Variants in TMEM192 observed in about 807,000 individuals in gnomAD.
TMEM192 encodes the protein transmembrane protein 192.
Under a neutral mutation model 26.7 loss-of-function variants are expected in TMEM192, and 20 were observed. The ratio of observed to expected loss-of-function variants is 0.75; its 90% CI spans 0.53 to 1.09. TMEM192 has a LOEUF of 1.09. Among genes scored for constraint, TMEM192 ranks in the 50% least tolerant of loss-of-function variants. The pLI is 0.00. For missense variants in TMEM192, 304 were observed against 322.6 expected (o/e 0.94, Z 0.44); for synonymous variants, 124 against 121.0 (o/e 1.02, Z -0.16).
At chr4:165,093,277 A>T (rs1225433741) in intron 3 of TMEM192, among the ~76,000 whole-genome samples, 2 of 151,302 alleles carry the variant, frequency 1.3e-5, no homozygotes, top group Admixed American at 1.3e-4. Flanking sequence ...TTGTGTTTTT[A>T]GTAGAGACGG....
Position 165,105,616 on chromosome 4 carries a change from C to T in TMEM192, c.28-2520G>A, listed in dbSNP as rs182918437. ...ACAGAGAGCACTCAATAAGTATTAG[C>T]CACTATTATTTCTTTATTAACTCTT... is the stretch of plus-strand genomic sequence containing the variant. On this transcript the variant is annotated intron_variant, in intron 1 of 5. Transcript: ENST00000306480. 2.4e-4 allele frequency among the ~76,000 whole-genome samples: 37 copies of T among 152,170 alleles called. 1 individual carries two copies. Among genetic ancestry groups the T allele is most frequent in the Admixed American group, 2.4e-3 (37 of 15,262 alleles).
intron 3 of TMEM192, among the ~76,000 whole-genome samples, chr4:165,089,434 GC>G (rs1218823654): frequency 6.6e-6 from 1 of 152,028 alleles, no homozygotes; most frequent in Non-Finnish European, 1.5e-5. Context: ...CCATTCTCCT[GC>G]CTCAGCCTCC....
At chr4:165,089,221 C>T (rs998260341) in intron 3 of TMEM192, among the ~76,000 whole-genome samples, 2 of 152,028 alleles carry the variant, frequency 1.3e-5, no homozygotes, top group African/African-American at 4.8e-5. Context: ...AGGTTCTTCT[C>T]GGCCTCTCTG....
At chr4:165,104,641 CT>C (rs1735122154) in intron 1 of TMEM192, among the ~76,000 whole-genome samples, 1 of 152,138 alleles carries the variant, frequency 6.6e-6, no homozygotes, top group Admixed American at 6.6e-5. Flanking sequence ...ATCGATTCTC[CT>C]GTCTCAGCCT....
intron 1 of TMEM192, among the ~76,000 whole-genome samples, chr4:165,103,490 G>A (rs1425124747): frequency 7.5e-6 from 1 of 133,038 alleles, no homozygotes. Flanking sequence ...GACTACAGGT[G>A]TGCACCACCA....
rs1464582727 is a variant in TMEM192 at position 165,071,721 on chromosome 4, G to C, written c.*7937C>G. The C allele has an allele frequency of 6.6e-6, 1 of 152,132 alleles. No homozygotes were observed. Among genetic ancestry groups the C allele is most frequent in the Admixed American group, 6.6e-5 (1 of 15,248 alleles). 9.4% of individuals were successfully genotyped at this position (152,132 alleles called of 1,614,324 possible). On this transcript the variant is annotated 3_prime_UTR_variant, in exon 6 of 6. Coordinates refer to ENST00000306480, the MANE Select transcript of TMEM192 (RefSeq NM_001100389.2). ...GCAATCCAAAAGCCACAGTGTGACC[G>C]ACGCAGGGTACACAAAGGAAGAGTA...
intron 3 of TMEM192, among the ~76,000 whole-genome samples, chr4:165,093,088 T>C (rs1004227380): frequency 8.2e-6 from 1 of 121,638 alleles, no homozygotes. Context: ...TTTATGGTTT[T>C]TTTTTCTTCT....
In TMEM192 at chr4:165,097,217, G is replaced by A. The variant is rs540032776; in HGVS notation, c.439+3411C>T. Among the ~76,000 whole-genome samples, 17 of 152,188 alleles carry A rather than the reference G, an allele frequency of 1.1e-4. No homozygotes were observed. In the East Asian group the frequency reaches 2.9e-3, roughly 26 times the overall value. On this transcript the variant is annotated intron_variant, in intron 3 of 5. Coordinates refer to ENST00000306480, the MANE Select transcript of TMEM192 (RefSeq NM_001100389.2). ...CTTTAAGAAAATGCACTAACAGGCC[G>A]GGCGCGGTGGCTCATGCCTGTAATC...
chr4:165,095,055 C>T (rs966411535), intron 3 of TMEM192, among the ~76,000 whole-genome samples: 4 of 151,952 alleles, frequency 2.6e-5, no homozygotes, highest in East Asian at 3.9e-4. Flanking sequence ...GTGGGCTGGG[C>T]GGTCCTGTAA....
Position 165,112,860 on chromosome 4 carries a change from T to C in TMEM192, c.-87A>G. 5 of 1,531,380 alleles carry C rather than the reference T, an allele frequency of 3.3e-6. No homozygotes were observed. The highest frequency in any genetic ancestry group is 4.4e-6 in the Non-Finnish European group (5 of 1,140,996). The allele number at this position is 1,531,380 out of a possible 1,614,324, so 94.9% of individuals were successfully genotyped here. On this transcript the variant is annotated 5_prime_UTR_variant, in exon 1 of 6. Transcript: ENST00000306480. ...TCTGGCCGCGAAACTCGCCACCTTC[T>C]GGGACCTGCCAGGCCCCTCCCCAGA...
intron 5 of TMEM192, among the ~76,000 whole-genome samples, chr4:165,080,768 G>A (rs1333958641): frequency 6.6e-6 from 1 of 152,002 alleles, no homozygotes; most frequent in Non-Finnish European, 1.5e-5. Context: ...AGGCTGGAGT[G>A]CAGTGGCATG....
intron 1 of TMEM192, among the ~76,000 whole-genome samples, chr4:165,112,241 C>A (rs1437841950): frequency 1.3e-5 from 2 of 152,206 alleles, no homozygotes; most frequent in Non-Finnish European, 2.9e-5. Context: ...GACGCTGGCG[C>A]CCGGCCCGAG....
Position 165,085,664 on chromosome 4 carries a change from G to C in TMEM192, c.599C>G (p.Ala200Gly), listed in dbSNP as rs1464288457. ...TTCAAGTATATCAGGCTCTGGTTTA[G>C]CTTTATTAAATCTCCGGATTTTCAC... Reference protein sequence around the residue: ...YTVKIRRFNKAKPEPDILEEE... With the variant: ...YTVKIRRFNKGKPEPDILEEE... Residue 200 changes from alanine to glycine, a missense_variant, in exon 5 of 6, where the codon GCT becomes GGT. Ala to Gly is a moderately conservative substitution (Grantham distance 60). Transcript: ENST00000306480. 6.2e-7 allele frequency: 1 copy of C among 1,608,552 alleles called. No individual in the cohort carries two copies. Among genetic ancestry groups the C allele is most frequent in the African/African-American group, 1.3e-5 (1 of 74,646 alleles).
At chr4:165,091,225 G>A (rs981821165) in intron 3 of TMEM192, among the ~76,000 whole-genome samples, 26 of 152,060 alleles carry the variant, frequency 1.7e-4, no homozygotes, top group Admixed American at 2.6e-4. Context: ...CTGAGATAGC[G>A]CCACTGCACT....
In TMEM192 at chr4:165,085,603, G is replaced by A; in HGVS notation, c.660C>T (p.Thr220=). Residue 220 remains threonine (T), a synonymous_variant, in exon 5 of 6, where the codon ACC becomes ACT. Coordinates refer to ENST00000306480, the MANE Select transcript of TMEM192 (RefSeq NM_001100389.2). ...AATCTTACCTGAATCCAGTCTCCGA[G>A]GTAATATTGCTGGGGTAAGCATAGA... is the stretch of plus-strand genomic sequence containing the variant. ...EKIYAYPSNI[T]SETGFRTISS... is the part of the protein sequence containing the mutation. 1.9e-6 allele frequency: 3 copies of A among 1,610,310 alleles called. No homozygotes were observed. Among genetic ancestry groups the A allele is most frequent in the Middle Eastern group, 1.7e-4 (1 of 6,048 alleles).
chr4:165,096,737 G>A (rs1010145686), intron 3 of TMEM192, among the ~76,000 whole-genome samples: 4 of 151,420 alleles, frequency 2.6e-5, no homozygotes, highest in Non-Finnish European at 4.4e-5. Context: ...CCACATAAAC[G>A]TGATATCACC....
chr4:165,095,844 C>T (rs1734882674), intron 3 of TMEM192, among the ~76,000 whole-genome samples: 1 of 151,844 alleles, frequency 6.6e-6, no homozygotes, highest in African/African-American at 2.4e-5. Context: ...GCGCCATCTT[C>T]GCTCACTGCA....
chr4:165,099,418 A>T (rs1426212218), intron 3 of TMEM192, among the ~76,000 whole-genome samples: 1 of 152,136 alleles, frequency 6.6e-6, no homozygotes, highest in Non-Finnish European at 1.5e-5. Flanking sequence ...ATTTACCTAA[A>T]GAAGTTCAAT....
rs878936289 is a variant in TMEM192 at position 165,112,708 on chromosome 4, G to A, written c.27+39C>T. The A allele has an allele frequency of 4.4e-6, 7 of 1,607,948 alleles. No individual in the cohort carries two copies. The South Asian group carries it at 4.4e-5, about 10-fold the overall frequency. On this transcript the variant is annotated intron_variant, in intron 1 of 5. Transcript: ENST00000306480. Reference sequence around the variant, plus strand: ...GTGCGCCCCGGCACAAGAAAAAGCGGATTCCGGGGCCAACCGCCCGCCGCC... The same window carrying A: ...GTGCGCCCCGGCACAAGAAAAAGCGAATTCCGGGGCCAACCGCCCGCCGCC...
Sources: gnomAD v4.1 joint callset for allele counts (sites outside exome capture counted in the v4.1 genomes callset) on GRCh38, gnomAD v4.1.1 for gene constraint, MANE v1.5 for transcripts, NCBI Gene and HGNC (gene_info 2026-07-23, HGNC 2026-07-21) for gene names.